Variants in ASB12 observed in about 807,000 individuals in gnomAD.
ASB12 encodes ankyrin repeat and SOCS box protein 12.
Under a neutral mutation model 13.7 loss-of-function variants are expected in ASB12, and 17 were observed. The observed-to-expected ratio is 1.24, with a 90% CI of 0.85 to 1.86. The LOEUF (loss-of-function observed/expected upper bound fraction) is 1.86. Among genes scored for constraint, ASB12 ranks in the 40% most tolerant of loss-of-function variants. The pLI, the probability that ASB12 is intolerant of heterozygous loss-of-function variation, is 0.00. For missense variants in ASB12, 329 were observed against 250.5 expected (o/e 1.31, Z -2.11); for synonymous variants, 107 against 99.8 (o/e 1.07, Z -0.43).
rs753978819 is a variant in ASB12 at position 64,224,293 on chromosome X, TGGTTTTCGGA to T, written c.*32_*41del. ...CTCTCCAGCTACGTGAGTCCCCAGGTGGTTTTCGGAGGCATCATAAGTTCCTGGGGAGACT... is the reference window on the plus strand; with the variant it reads ...CTCTCCAGCTACGTGAGTCCCCAGGTGGCATCATAAGTTCCTGGGGAGACT... On this transcript the variant is annotated 3_prime_UTR_variant, in exon 3 of 3. Coordinates refer to ENST00000362002, the MANE Select transcript of ASB12 (RefSeq NM_130388.4). The T allele has an allele frequency of 1.3e-5, 15 of 1,192,497 alleles. No individual in the cohort carries two copies. In the East Asian group the frequency reaches 3.6e-4, roughly 29 times the overall value.
Position 64,225,653 on chromosome X carries a change from T to A in ASB12, c.-3A>T, listed in dbSNP as rs1930935236. 3 of 1,177,364 alleles carry A rather than the reference T, an allele frequency of 2.5e-6. No homozygotes were observed. Among genetic ancestry groups the A allele is most frequent in the Non-Finnish European group, 3.4e-6 (3 of 877,708 alleles). ...GCTAATTGGAGAACTATTCTCATTATGAGCACAAGGAAATGCCAGATCTGT... is the reference window on the plus strand; with the variant it reads ...GCTAATTGGAGAACTATTCTCATTAAGAGCACAAGGAAATGCCAGATCTGT... On this transcript the variant is annotated 5_prime_UTR_variant, in exon 2 of 3. Transcript: ENST00000362002.
At chrX:64,228,158 G>C (rs747138160) in intron 1 of ASB12, among the ~76,000 whole-genome samples, 2 of 112,062 alleles carry the variant, frequency 1.8e-5, no homozygotes, top group Non-Finnish European at 3.8e-5. Context: ...CAGCTCAGAG[G>C]TCCTTCATGA....
intron 1 of ASB12, among the ~76,000 whole-genome samples, chrX:64,226,363 G>C (rs1168301528): frequency 8.9e-6 from 1 of 112,507 alleles, no homozygotes; most frequent in Non-Finnish European, 1.9e-5. Flanking sequence ...TTCAGGAAAA[G>C]AAGTATTCAG....
chrX:64,225,979 G>T (rs1360301167), intron 1 of ASB12, among the ~76,000 whole-genome samples: 1 of 112,530 alleles, frequency 8.9e-6, no homozygotes, highest in Non-Finnish European at 1.9e-5. Context: ...CTAAACTTCA[G>T]CTATGAACTT....
At chrX:64,227,299 C>T (rs1930967202) in intron 1 of ASB12, among the ~76,000 whole-genome samples, 1 of 111,506 alleles carries the variant, frequency 9.0e-6, no homozygotes, top group Non-Finnish European at 1.9e-5. Context: ...TTCGTCTCTC[C>T]CTTCTTTACA....
chrX:64,225,058 C>G lies in ASB12; in HGVS notation c.593G>C (p.Arg198Pro). 2.5e-6 allele frequency: 3 copies of G among 1,211,314 alleles called. No homozygotes were observed. The highest frequency in any genetic ancestry group is 3.4e-6 in the Non-Finnish European group (3 of 895,392). ...GTCTGCCCCGTGGAGCAAAAGCAGGCGGAAACAGTCCAGGTGCCCGTAGAC... is the reference window on the plus strand; with the variant it reads ...GTCTGCCCCGTGGAGCAAAAGCAGGGGGAAACAGTCCAGGTGCCCGTAGAC... ...AAVYGHLDCF[R>P]LLLLHGADPD... Residue 198 changes from arginine to proline, a missense_variant, in exon 2 of 3, where the codon CGC becomes CCC. Physicochemically the swap from Arg to Pro is moderately radical, Grantham distance 103. Transcript: ENST00000362002.
In ASB12 at chrX:64,225,237, G is replaced by C. The variant is rs767313577; in HGVS notation, c.414C>G (p.Asn138Lys). ...AGASPGGSIY[N>K]NCSPVLTAAR... is the part of the protein sequence containing the mutation. ...CAGCTGTGAGCACGGGAGAACAGTTGTTGTAGATGCTACCACCAGGAGAGG... is the reference window on the plus strand; with the variant it reads ...CAGCTGTGAGCACGGGAGAACAGTTCTTGTAGATGCTACCACCAGGAGAGG... The change falls in exon 2 of 3, where the codon AAC (asparagine) becomes AAG (lysine). Residue 138 changes from asparagine (N) to lysine (K), a missense_variant. Transcript: ENST00000362002. The C allele has an allele frequency of 1.7e-6, 2 of 1,211,526 alleles. No homozygotes were observed. Among genetic ancestry groups the C allele is most frequent in the Non-Finnish European group, 2.2e-6 (2 of 895,414 alleles).
chrX:64,225,182 C>T lies in ASB12; in HGVS notation c.469G>A (p.Glu157Lys). The T allele has an allele frequency of 8.3e-7, 1 of 1,211,610 alleles. No homozygotes were observed. The highest frequency in any genetic ancestry group is 1.1e-6 in the Non-Finnish European group (1 of 895,457). ...GCCTCTGCACCATGGTCTAGGAGCT[C>T]CTGCAGGATAGCAACAGCACCATCA... The part of the protein sequence containing the change: ...ARDGAVAILQ[E>K]LLDHGAEANV... Residue 157 changes from glutamate (E) to lysine (K), a missense_variant, in exon 2 of 3, where the codon GAG becomes AAG. Glu to Lys is a moderately conservative substitution (Grantham distance 56, BLOSUM62 1). Transcript: ENST00000362002.
chrX:64,224,741 C>T, intron 2 of ASB12, 87 bp downstream of exon 2: 1 of 1,069,421 alleles, frequency 9.4e-7, no homozygotes, highest in Non-Finnish European at 1.2e-6. Context: ...TTCTCCAGTG[C>T]ACCTCAGAGG....
intron 1 of ASB12, among the ~76,000 whole-genome samples, chrX:64,229,113 C>G (rs1006517765): frequency 8.9e-6 from 1 of 111,758 alleles, no homozygotes; most frequent in Non-Finnish European, 1.9e-5. Context: ...GGATCTTCAG[C>G]TTTTGAGTGT....
intron 1 of ASB12, chrX:64,226,755 T>C: frequency 1.3e-6 from 1 of 754,099 alleles, no homozygotes; most frequent in Non-Finnish European, 1.6e-6. Flanking sequence ...GTTTGTAATG[T>C]CATCAGGGCG....
At chrX:64,226,006 C>T (rs916416431) in intron 1 of ASB12, among the ~76,000 whole-genome samples, 2 of 112,656 alleles carry the variant, frequency 1.8e-5, no homozygotes, top group East Asian at 2.8e-4. Flanking sequence ...CACATTTCCG[C>T]TTATCTATGT....
chrX:64,229,290 A>G (rs758790056), intron 1 of ASB12, among the ~76,000 whole-genome samples: 1 of 112,027 alleles, frequency 8.9e-6, no homozygotes, highest in Non-Finnish European at 1.9e-5. Flanking sequence ...GCTAAGGTTC[A>G]TACCAAGAGC....
chrX:64,228,723 C>A (rs895551739), intron 1 of ASB12, among the ~76,000 whole-genome samples: 2 of 111,259 alleles, frequency 1.8e-5, no homozygotes, highest in Admixed American at 9.5e-5. Context: ...CTGCAAGGGA[C>A]CTTGTAGATC....
chrX:64,227,814 A>T (rs1333130819), intron 1 of ASB12, among the ~76,000 whole-genome samples: 2 of 111,438 alleles, frequency 1.8e-5, no homozygotes, highest in African/African-American at 6.5e-5. Context: ...TGGTCAACCA[A>T]ACCAAAAACC....
Position 64,224,937 on chromosome X carries a change from C to G in ASB12, c.714G>C (p.Glu238Asp), listed in dbSNP as rs1427347854. ...CAAAATCGATTAACAGCTGGATATA[C>G]TCTGGCTCACAATTATGATGGAGGC... ...EICLHHNCEP[E>D]YIQLLIDFGA... Residue 238 changes from glutamate (E) to aspartate (D), a missense_variant, in exon 2 of 3, where the codon GAG (glutamate) becomes GAC (aspartate). Physicochemically the swap from Glu to Asp is conservative, Grantham distance 45. Transcript: ENST00000362002. 8.3e-7 allele frequency: 1 copy of G among 1,211,495 alleles called. No individual in the cohort carries two copies. Among genetic ancestry groups the G allele is most frequent in the Admixed American group, 2.2e-5 (1 of 45,999 alleles).
intron 1 of ASB12, among the ~76,000 whole-genome samples, chrX:64,227,282 C>G (rs750308979): frequency 4.5e-5 from 5 of 111,667 alleles, no homozygotes; most frequent in South Asian, 7.6e-4. Flanking sequence ...CTCTAGCTAT[C>G]TTTCTCTTCG....
At position 64,224,399 on chromosome X, in the gene ASB12, G is replaced by A. The variant is rs931461263; in HGVS notation, c.893C>T (p.Pro298Leu). The A allele has an allele frequency of 2.5e-6, 3 of 1,207,723 alleles. No homozygotes were observed. In the African/African-American group the frequency reaches 5.3e-5, roughly 21 times the overall value. ...AATATCCAGCTGGTTGATGGCTTGT[G>A]GCTGGCCAGCCTGGCACAAGGCTCT... ...VRRALCQAGQ[P>L]QAINQLDIPP... is the part of the protein sequence containing the mutation. The change falls in exon 3 of 3, where the codon CCA (proline) becomes CTA (leucine). Residue 298 changes from proline to leucine, a missense_variant. Physicochemically the swap from Pro to Leu is moderately conservative, Grantham distance 98 (BLOSUM62 -3). Coordinates refer to ENST00000362002, the MANE Select transcript of ASB12 (RefSeq NM_130388.4).
chrX:64,225,763 A>G (rs1930938363), intron 1 of ASB12, 89 bp from the exon 2 acceptor site: 1 of 995,022 alleles, frequency 1.0e-6, no homozygotes, highest in African/African-American at 1.9e-5. Context: ...CCATTTCACC[A>G]TCAGGCTACT....
Sources: gnomAD v4.1 joint callset for allele counts (sites outside exome capture counted in the v4.1 genomes callset) on GRCh38, gnomAD v4.1.1 for gene constraint, MANE v1.5 for transcripts, NCBI Gene and HGNC (gene_info 2026-07-23, HGNC 2026-07-21) for gene names.